GALNT2: variants seen among roughly 807,000 people sequenced by gnomAD.
GALNT2 encodes UDP-GalNAc:polypeptide N-acetylgalactosaminyltransferase 2.
GALNT2 carries 31 observed loss-of-function variants against 81.4 expected under a neutral mutation model. The ratio of observed to expected loss-of-function variants is 0.38; its 90% confidence interval spans 0.29 to 0.51. GALNT2 has a LOEUF of 0.51. Among genes scored for constraint, GALNT2 ranks in the 20% least tolerant of loss-of-function variants. GALNT2 has a pLI of 0.87. For missense variants in GALNT2, 629 were observed against 765.7 expected, an observed-to-expected ratio of 0.82 and a Z score of 2.11; for synonymous variants, 303 against 287.4, an observed-to-expected ratio of 1.05 and a Z score of -0.55.
chr1:230,239,839 T>C (rs954627056), intron 6 of GALNT2, among the ~76,000 whole-genome samples: 7 of 152,268 alleles, frequency 4.6e-5, no homozygotes, highest in African/African-American at 1.7e-4. Flanking sequence ...TTTTCATGTA[T>C]GCACAGTTGC....
intron 11 of GALNT2, among the ~76,000 whole-genome samples, chr1:230,258,252 G>A (rs1448184013): frequency 2.1e-5 from 3 of 145,088 alleles, no homozygotes; most frequent in South Asian, 2.2e-4. Context: ...TTTTTGAGAC[G>A]GAGTTTCGAT....
At position 230,271,325 on chromosome 1, in the gene GALNT2, G is replaced by C. The variant is rs1286791313; in HGVS notation, c.1441-3120G>C. Among the ~76,000 whole-genome samples, 2 of 152,204 alleles carry C rather than the reference G, an allele frequency of 1.3e-5. No individual in the cohort carries two copies. The highest frequency in any genetic ancestry group is 2.4e-5 in the African/African-American group (1 of 41,442). On this transcript the variant is annotated intron_variant, in intron 14 of 15. Transcript: ENST00000366672. The surrounding 1 kb of genome is among the most constrained non-coding windows in gnomAD (Gnocchi z 4.2). ...CTGTGACCCAGTGAATAGGAAAAAA[G>C]CTGCTTTTCCTCCTTTATACTCTCA...
chr1:230,225,807 A>G (rs562725542), intron 3 of GALNT2, among the ~76,000 whole-genome samples: 5 of 151,842 alleles, frequency 3.3e-5, no homozygotes, highest in African/African-American at 1.2e-4. Flanking sequence ...AACACCTCTC[A>G]CTTTTCTGTG....
intron 3 of GALNT2, among the ~76,000 whole-genome samples, chr1:230,215,297 T>C (rs901347038): frequency 6.6e-6 from 1 of 152,228 alleles, no homozygotes; most frequent in African/African-American, 2.4e-5. Context: ...AGACCATCGC[T>C]TCTGCTCGGC....
rs911660381 is a variant in GALNT2, at chr1:230,280,134, C to G, written c.*676C>G. On this transcript the variant is annotated 3_prime_UTR_variant, in exon 16 of 16. Coordinates refer to ENST00000366672, the MANE Select transcript of GALNT2 (RefSeq NM_004481.5). Reference sequence around the variant, plus strand: ...AGATCATCGTCATCTTGTATATTCCCCACAAAGCCGTTCGCAGCTTCCGGG... The same window carrying G: ...AGATCATCGTCATCTTGTATATTCCGCACAAAGCCGTTCGCAGCTTCCGGG... 2.5e-6 allele frequency: 1 copy of G among 396,620 alleles called. No individual in the cohort carries two copies. The highest frequency in any genetic ancestry group is 2.7e-5 in the Admixed American group (1 of 36,464). 24.6% of individuals were successfully genotyped at this position (396,620 alleles called of 1,614,324 possible). A position where few individuals can be genotyped will look rare whatever the true frequency, so the allele number is the denominator to read the frequency against.
chr1:230,184,028 A>T (rs1663240059), intron 2 of GALNT2, among the ~76,000 whole-genome samples: 1 of 151,124 alleles, frequency 6.6e-6, no homozygotes, highest in African/African-American at 2.4e-5. Flanking sequence ...TCCTTCTTTG[A>T]TGCATCCTTT....
intron 11 of GALNT2, among the ~76,000 whole-genome samples, chr1:230,258,202 AC>A (rs1665772938): frequency 6.6e-6 from 1 of 151,772 alleles, no homozygotes; most frequent in Non-Finnish European, 1.5e-5. Context: ...GGCGTGAGCC[AC>A]CGTGCCCAGC....
rs1666442553 is a variant in GALNT2 at position 230,281,502 on chromosome 1, A to G, written c.*2044A>G. 1 of 152,188 alleles carries G rather than the reference A, an allele frequency of 6.6e-6. No homozygotes were observed. Among genetic ancestry groups the G allele is most frequent in the South Asian group, 2.1e-4 (1 of 4,826 alleles). The allele number at this position is 152,188 out of a possible 1,614,324, so 9.4% of individuals were successfully genotyped here. On this transcript the variant is annotated 3_prime_UTR_variant, in exon 16 of 16. Coordinates refer to ENST00000366672, the MANE Select transcript of GALNT2 (RefSeq NM_004481.5). ...CAGACCCTGTGACCTGCGAGCTGCTACTACTGTAAGGAGGGAAATGGATGA... is the reference window on the plus strand; with the variant it reads ...CAGACCCTGTGACCTGCGAGCTGCTGCTACTGTAAGGAGGGAAATGGATGA...
chr1:230,129,279 C>T (rs186294960), intron 1 of GALNT2, among the ~76,000 whole-genome samples: 11 of 152,234 alleles, frequency 7.2e-5, no homozygotes, highest in Admixed American at 2.6e-4. Context: ...GTCCTATAAC[C>T]TGTTTGTTAG....
intron 3 of GALNT2, among the ~76,000 whole-genome samples, chr1:230,215,639 G>T (rs1320252734): frequency 6.6e-6 from 1 of 152,178 alleles, no homozygotes; most frequent in Non-Finnish European, 1.5e-5. Context: ...GAGAGTAAAT[G>T]GAAATACAGG....
At chr1:230,120,705 C>G (rs1292680633) in intron 1 of GALNT2, among the ~76,000 whole-genome samples, 1 of 152,192 alleles carries the variant, frequency 6.6e-6, no homozygotes, top group Admixed American at 6.5e-5. Flanking sequence ...CTCGGCCTCT[C>G]CCCAGGCTGC....
At chr1:230,138,055 T>C (rs150283597) in intron 1 of GALNT2, among the ~76,000 whole-genome samples, 196 of 152,328 alleles carry the variant, frequency 1.3e-3, no homozygotes, top group African/African-American at 4.5e-3. Context: ...TTGCATGTCG[T>C]TGCGTGCGTC....
chr1:230,202,846 A>T lies in GALNT2; in HGVS notation c.221-291A>T, dbSNP rs141463009. ...ACATCTCCTTTTATAGAAAACATGA[A>T]TGATGCCACAGTTACAGGTACTTTG... On this transcript the variant is annotated intron_variant, in intron 2 of 15. Coordinates refer to ENST00000366672, the MANE Select transcript of GALNT2 (RefSeq NM_004481.5). 5.4e-3 allele frequency among the ~76,000 whole-genome samples: 819 copies of T among 152,356 alleles called. 4 individuals are homozygous for T. The highest frequency in any genetic ancestry group is 8.2e-3 in the Non-Finnish European group (557 of 68,036).
intron 1 of GALNT2, among the ~76,000 whole-genome samples, chr1:230,170,531 C>T (rs1662758469): frequency 6.6e-6 from 1 of 152,148 alleles, no homozygotes; most frequent in Non-Finnish European, 1.5e-5. Context: ...AGAACTTTTG[C>T]CATGGTTCAG....
Position 230,127,042 on chromosome 1 carries a change from G to A in GALNT2, c.127-51176G>A, listed in dbSNP as rs555050531. Among the ~76,000 whole-genome samples the A allele has an allele frequency of 3.8e-3, 574 of 152,182 alleles. 3 individuals carry two copies. The highest frequency in any genetic ancestry group is 5.1e-3 in the Non-Finnish European group (348 of 68,002). ...GGGGGAGCGTCTCCCCTCTTTTTTG[G>A]ATAGATGTTAATATTTTGCACTGCT... On this transcript the variant is annotated intron_variant, in intron 1 of 15. Transcript: ENST00000366672.
intron 11 of GALNT2, chr1:230,261,822 A>G (rs1373508169): frequency 6.6e-6 from 1 of 152,146 alleles, no homozygotes; most frequent in African/African-American, 2.4e-5. Flanking sequence ...CATCCTGGCT[A>G]ATGTGGTGAA....
chr1:230,072,377 G>A (rs1409236355), intron 1 of GALNT2, among the ~76,000 whole-genome samples: 1 of 150,616 alleles, frequency 6.6e-6, no homozygotes, highest in African/African-American at 2.5e-5. Flanking sequence ...GTGGCGGGGG[G>A]TGCGGTGAGG....
chr1:230,066,811 G>A (rs897995010), upstream of GALNT2, among the ~76,000 whole-genome samples: 1 of 152,110 alleles, frequency 6.6e-6, no homozygotes, highest in African/African-American at 2.4e-5. Flanking sequence ...CTTTGCCCAC[G>A]TGTGCGCGCG....
chr1:230,110,150 A>G (rs897909509), intron 1 of GALNT2, among the ~76,000 whole-genome samples: 1 of 152,120 alleles, frequency 6.6e-6, no homozygotes, highest in African/African-American at 2.4e-5. Context: ...CCTTCCTTAA[A>G]CTTAGTGCTC....
Sources: allele counts gnomAD v4.1 joint callset (sites outside exome capture counted in the v4.1 genomes callset), GRCh38; gene constraint gnomAD v4.1.1; non-coding constraint Gnocchi (gnomAD v3.1); transcripts MANE v1.5; gene names NCBI Gene and HGNC (gene_info 2026-07-23, HGNC 2026-07-21).